The following LRMDA variants were observed in gnomAD, a reference collection of about 807,000 sequenced individuals.
LRMDA encodes the protein leucine-rich melanocyte differentiation-associated protein.
A neutral mutation model predicts 29.8 loss-of-function variants in LRMDA; 18 were observed. That is an observed-to-expected ratio of 0.60 (90% CI 0.42 to 0.90). The LOEUF (loss-of-function observed/expected upper bound fraction) is 0.90, where lower values mean the gene tolerates loss of function less well. Ranked by LOEUF, LRMDA falls within the 40% of genes least tolerant of loss-of-function variation. The pLI, the probability that LRMDA is intolerant of heterozygous loss-of-function variation, is 0.00. For missense variants in LRMDA, 273 were observed against 273.9 expected (o/e 1.00, Z 0.02); for synonymous variants, 125 against 109.4 (o/e 1.14, Z -0.89).
intron 5 of LRMDA, among the ~76,000 whole-genome samples, chr10:76,263,517 T>G (rs1316233650): frequency 6.6e-6 from 1 of 152,218 alleles, no homozygotes; most frequent in Non-Finnish European, 1.5e-5. Flanking sequence ...CAATAAGATA[T>G]TTCTCCATAG....
At chr10:75,904,385 G>T (rs1845725076) in intron 2 of LRMDA, among the ~76,000 whole-genome samples, 1 of 152,086 alleles carries the variant, frequency 6.6e-6, no homozygotes, top group Admixed American at 6.5e-5. Context: ...TGAAAGCAAG[G>T]TCCACTGGTG....
intron 5 of LRMDA, among the ~76,000 whole-genome samples, chr10:76,252,185 G>C (rs567439214): frequency 6.6e-6 from 1 of 152,282 alleles, no homozygotes; most frequent in Middle Eastern, 3.4e-3. Flanking sequence ...ACCAGTCCGG[G>C]AGGCCAACCG....
chr10:76,315,419 G>A (rs1840680615), intron 5 of LRMDA, among the ~76,000 whole-genome samples: 1 of 152,204 alleles, frequency 6.6e-6, no homozygotes, highest in Non-Finnish European at 1.5e-5. Context: ...CAGCGGGCTT[G>A]GAAGTGCCTG....
intron 5 of LRMDA, among the ~76,000 whole-genome samples, chr10:76,069,774 G>T (rs1402025334): frequency 6.6e-6 from 1 of 151,370 alleles, no homozygotes. Context: ...ATTTTTGTTG[G>T]GCCCATTTTT....
At chr10:75,961,176 C>A (rs1280582993) in intron 2 of LRMDA, among the ~76,000 whole-genome samples, 1 of 152,172 alleles carries the variant, frequency 6.6e-6, no homozygotes, top group African/African-American at 2.4e-5. Context: ...AAAAATATTT[C>A]TAATACTCTT....
Position 76,431,010 on chromosome 10 carries a change from A to G in LRMDA, c.601+106525A>G, listed in dbSNP as rs1326607437. On this transcript the variant is annotated intron_variant, in intron 6 of 6. Coordinates refer to ENST00000611255, the MANE Select transcript of LRMDA (RefSeq NM_001305581.2). ...CACTAGGAAGACTCTGATGATTTCA[A>G]GAATTCATAATCCTTATTCTATGCT... Among the ~76,000 whole-genome samples the G allele has an allele frequency of 3.3e-5, 5 of 152,360 alleles. No homozygotes were observed. In the East Asian group the frequency reaches 5.8e-4, roughly 18 times the overall value.
rs1191986189 is a variant in LRMDA, at chr10:76,558,297, CACCAG to C, written c.*1014_*1018del. The C allele has an allele frequency of 1.3e-5, 2 of 152,148 alleles. No individual in the cohort carries two copies. Among genetic ancestry groups the C allele is most frequent in the African/African-American group, 4.8e-5 (2 of 41,416 alleles). The allele number at this position is 152,148 out of a possible 1,614,324, so 9.4% of individuals were successfully genotyped here. A position where few individuals can be genotyped will look rare whatever the true frequency, so the allele number is the denominator to read the frequency against. On this transcript the variant is annotated 3_prime_UTR_variant, in exon 7 of 7. Coordinates refer to ENST00000611255, the MANE Select transcript of LRMDA (RefSeq NM_001305581.2). ...CAAAATTAAGACTGTTGAAAACACCCACCAGACCAAAGAGTTTTTATAGAAGGCAC... is the reference window on the plus strand; with the variant it reads ...CAAAATTAAGACTGTTGAAAACACCCACCAAAGAGTTTTTATAGAAGGCAC...
At chr10:75,828,088 T>G (rs1287307905) in intron 2 of LRMDA, among the ~76,000 whole-genome samples, 1 of 152,214 alleles carries the variant, frequency 6.6e-6, no homozygotes, top group African/African-American at 2.4e-5. Context: ...GCACTCCTTG[T>G]GTGCCCTATA....
intron 2 of LRMDA, among the ~76,000 whole-genome samples, chr10:75,896,068 T>C (rs1475967730): frequency 6.6e-6 from 1 of 152,210 alleles, no homozygotes; most frequent in East Asian, 1.9e-4. Context: ...AGTTCATGTA[T>C]GGAAAGGAGA....
At chr10:76,218,283 G>C (rs1354918488) in intron 5 of LRMDA, among the ~76,000 whole-genome samples, 1 of 152,180 alleles carries the variant, frequency 6.6e-6, no homozygotes, top group African/African-American at 2.4e-5. Flanking sequence ...TGCCATTAGT[G>C]GGGAGGCAGA....
At chr10:76,524,341 G>C (rs934653156) in intron 6 of LRMDA, among the ~76,000 whole-genome samples, 1 of 152,204 alleles carries the variant, frequency 6.6e-6, no homozygotes, top group African/African-American at 2.4e-5. Flanking sequence ...GATGGGAGCC[G>C]TTTGGAGACG....
chr10:75,603,679 C>T (rs1218479304), intron 2 of LRMDA, among the ~76,000 whole-genome samples: 1 of 152,116 alleles, frequency 6.6e-6, no homozygotes. Flanking sequence ...TTCATGGATT[C>T]CCCTCAACAC....
intron 5 of LRMDA, among the ~76,000 whole-genome samples, chr10:76,078,726 C>T (rs970624201): frequency 2.0e-5 from 3 of 152,094 alleles, no homozygotes; most frequent in Non-Finnish European, 4.4e-5. Context: ...GCCCCAGCTA[C>T]TTGGGAGGCT....
rs1256303268 is a variant in LRMDA, at chr10:75,914,977, C to G, written c.132-121031C>G. On this transcript the variant is annotated intron_variant, in intron 2 of 6. Coordinates refer to ENST00000611255, the MANE Select transcript of LRMDA (RefSeq NM_001305581.2). ...TTCCCCTCATATGCACTCACTGGCC[C>G]ATTGAAGAACCAGGTTGTTATCTTG... 2.6e-5 allele frequency among the ~76,000 whole-genome samples: 4 copies of G among 152,194 alleles called. No homozygotes were observed. The South Asian group carries it at 8.3e-4, about 32-fold the overall frequency.
chr10:75,829,292 G>A (rs1844298591), intron 2 of LRMDA, among the ~76,000 whole-genome samples: 1 of 151,958 alleles, frequency 6.6e-6, no homozygotes. Flanking sequence ...ATCCACCCAA[G>A]GCCAGCCCAA....
chr10:76,493,711 G>T (rs189358793), intron 6 of LRMDA, among the ~76,000 whole-genome samples: 2 of 151,982 alleles, frequency 1.3e-5, no homozygotes, highest in Admixed American at 1.3e-4. Flanking sequence ...AGTTGTTTTA[G>T]CTATTTTAGG....
At chr10:76,002,505 G>A (rs1771527703) in intron 2 of LRMDA, among the ~76,000 whole-genome samples, 1 of 111,058 alleles carries the variant, frequency 9.0e-6, no homozygotes, top group African/African-American at 2.8e-5. Context: ...TCCTACATCT[G>A]TAAAATGGGG....
intron 2 of LRMDA, among the ~76,000 whole-genome samples, chr10:75,728,136 C>T (rs1032069951): frequency 1.3e-5 from 2 of 152,150 alleles, no homozygotes; most frequent in African/African-American, 4.8e-5. Flanking sequence ...CCAGAAGACA[C>T]ACAGCCAGCC....
At chr10:75,548,031 T>G (rs1009440960) in intron 2 of LRMDA, among the ~76,000 whole-genome samples, 2 of 152,158 alleles carry the variant, frequency 1.3e-5, no homozygotes, top group African/African-American at 2.4e-5. Flanking sequence ...TCATATTTAT[T>G]TTTCAGCATT....
Sources: allele counts gnomAD v4.1 joint callset (sites outside exome capture counted in the v4.1 genomes callset), GRCh38; gene constraint gnomAD v4.1.1; transcripts MANE v1.5; gene names NCBI Gene and HGNC (gene_info 2026-07-23, HGNC 2026-07-21).